The following NKAIN2 variants were observed in gnomAD, a reference collection of about 807,000 sequenced individuals.
The protein encoded by NKAIN2 is sodium/potassium transporting ATPase interacting 2, also known as sodium/potassium-transporting ATPase subunit beta-1-interacting protein 2.
A neutral mutation model predicts 32.6 loss-of-function variants in NKAIN2; 14 were observed. That is an observed-to-expected ratio of 0.43 (90% CI 0.28 to 0.67). NKAIN2 has a LOEUF of 0.67. Among genes scored for constraint, NKAIN2 ranks in the 30% least tolerant of loss-of-function variants. The pLI, the probability that NKAIN2 is intolerant of heterozygous loss-of-function variation, is 0.17. For synonymous variants in NKAIN2, 80 were observed against 87.2 expected, an observed-to-expected ratio of 0.92 and a Z score of 0.46; for missense variants, 198 against 258.3, an observed-to-expected ratio of 0.77 and a Z score of 1.60.
intron 5 of NKAIN2, among the ~76,000 whole-genome samples, chr6:124,816,265 T>C (rs567025428): frequency 9.9e-5 from 15 of 152,174 alleles, no homozygotes; most frequent in African/African-American, 3.6e-4. Flanking sequence ...AGATCAGTGA[T>C]TGCCGGGGGT....
intron 3 of NKAIN2, among the ~76,000 whole-genome samples, chr6:124,386,538 A>G (rs1333775992): frequency 6.6e-6 from 1 of 152,184 alleles, no homozygotes; most frequent in African/African-American, 2.4e-5. Context: ...CCACTTGTTT[A>G]TAATTTCCAT....
intron 1 of NKAIN2, among the ~76,000 whole-genome samples, chr6:123,845,810 A>G (rs1459859341): frequency 6.6e-6 from 1 of 152,242 alleles, no homozygotes; most frequent in African/African-American, 2.4e-5. Flanking sequence ...GAGAAGAGAA[A>G]ACCAAGATCA....
chr6:124,332,527 A>G (rs1449732578), intron 2 of NKAIN2, among the ~76,000 whole-genome samples: 5 of 152,202 alleles, frequency 3.3e-5, no homozygotes, highest in African/African-American at 1.2e-4. Flanking sequence ...ATCAAGTAGC[A>G]TAAGTCTTGC....
intron 1 of NKAIN2, among the ~76,000 whole-genome samples, chr6:124,028,729 G>A (rs1781238576): frequency 6.8e-6 from 1 of 146,802 alleles, no homozygotes; most frequent in Admixed American, 6.8e-5. Flanking sequence ...GTATATACGT[G>A]TATACACGTA....
intron 4 of NKAIN2, among the ~76,000 whole-genome samples, chr6:124,711,774 A>T (rs1442986427): frequency 1.3e-5 from 2 of 152,060 alleles, no homozygotes; most frequent in African/African-American, 4.8e-5. Flanking sequence ...ATGTCCTCCC[A>T]TAGCTCAGAG....
chr6:124,490,681 T>G (rs1263105377), intron 3 of NKAIN2, among the ~76,000 whole-genome samples: 9 of 151,752 alleles, frequency 5.9e-5, no homozygotes, highest in Non-Finnish European at 5.9e-5. Context: ...GGAGTCTACT[T>G]AGTTTGAAAA....
chr6:123,998,571 T>A (rs1299872638), intron 1 of NKAIN2, among the ~76,000 whole-genome samples: 1 of 152,044 alleles, frequency 6.6e-6, no homozygotes, highest in Non-Finnish European at 1.5e-5. Context: ...TTTCGTAAGA[T>A]TAGTATCCAA....
intron 3 of NKAIN2, among the ~76,000 whole-genome samples, chr6:124,387,213 A>T (rs1583169285): frequency 6.6e-6 from 1 of 152,114 alleles, no homozygotes; most frequent in East Asian, 1.9e-4. Context: ...TTGATTTTAC[A>T]ATAGAAAAAT....
chr6:124,085,405 T>C (rs1348584915), intron 1 of NKAIN2, among the ~76,000 whole-genome samples: 1 of 151,764 alleles, frequency 6.6e-6, no homozygotes, highest in Non-Finnish European at 1.5e-5. Context: ...ACTTGCAGAG[T>C]ATCTATGTAT....
rs149719174 is a variant in NKAIN2, at chr6:124,468,412, C to A, written c.273+113065C>A. On this transcript the variant is annotated intron_variant, in intron 3 of 6. Coordinates refer to ENST00000368417, the MANE Select transcript of NKAIN2 (RefSeq NM_001040214.3). The stretch of plus-strand genomic sequence containing the variant: ...TAGCAATCTCTGCTAGTTGGCGAAT[C>A]TTCTAAATCAAGATTTCAAGGCAGA... 4.3e-3 allele frequency among the ~76,000 whole-genome samples: 660 copies of A among 152,188 alleles called. 6 individuals are homozygous for A. The highest frequency in any genetic ancestry group is 0.015 in the African/African-American group (621 of 41,540).
intron 3 of NKAIN2, among the ~76,000 whole-genome samples, chr6:124,631,704 A>G (rs1436943947): frequency 1.3e-5 from 2 of 152,140 alleles, no homozygotes; most frequent in Non-Finnish European, 1.5e-5. Context: ...GGAGTTAACT[A>G]TAAAGGAGTC....
chr6:123,927,069 C>T (rs752819191), intron 1 of NKAIN2, among the ~76,000 whole-genome samples: 2 of 152,108 alleles, frequency 1.3e-5, no homozygotes, highest in East Asian at 3.9e-4. Flanking sequence ...GGGTTATAAG[C>T]TGAGACATCA....
At chr6:124,432,803 C>T (rs1775273987) in intron 3 of NKAIN2, among the ~76,000 whole-genome samples, 1 of 152,074 alleles carries the variant, frequency 6.6e-6, no homozygotes, top group South Asian at 2.1e-4. Context: ...GCTTCACAGT[C>T]ACCTCTCTTA....
At chr6:124,586,562 A>G (rs1232256303) in intron 3 of NKAIN2, among the ~76,000 whole-genome samples, 1 of 152,076 alleles carries the variant, frequency 6.6e-6, no homozygotes, top group Admixed American at 6.6e-5. Flanking sequence ...TTCCCATGTA[A>G]CAAATCTGCA....
chr6:124,184,520 T>C (rs556142461), intron 1 of NKAIN2, among the ~76,000 whole-genome samples: 1 of 152,292 alleles, frequency 6.6e-6, no homozygotes, highest in South Asian at 2.1e-4. Context: ...GGTGAAGATA[T>C]AGCTGGTATC....
chr6:123,918,220 G>T (rs1229746789), intron 1 of NKAIN2, among the ~76,000 whole-genome samples: 1 of 152,080 alleles, frequency 6.6e-6, no homozygotes, highest in Non-Finnish European at 1.5e-5. Context: ...ACAAATAGGG[G>T]TATGTTTTAT....
intron 2 of NKAIN2, among the ~76,000 whole-genome samples, chr6:124,344,338 T>C (rs370540074): frequency 2.0e-5 from 3 of 151,888 alleles, no homozygotes; most frequent in Non-Finnish European, 4.4e-5. Flanking sequence ...TCCATATGAA[T>C]TTTAAAGTAG....
chr6:124,184,489 C>T (rs189533812), intron 1 of NKAIN2, among the ~76,000 whole-genome samples: 5 of 152,212 alleles, frequency 3.3e-5, no homozygotes, highest in East Asian at 1.9e-4. Context: ...CACCACCACC[C>T]GAAGAGTCCC....
At chr6:124,240,266 C>CA (rs924844935) in intron 1 of NKAIN2, among the ~76,000 whole-genome samples, 5 of 151,852 alleles carry the variant, frequency 3.3e-5, no homozygotes, top group African/African-American at 7.2e-5. Context: ...GCCTATTAAC[C>CA]AAAAAAAGCA....
Sources: gnomAD v4.1 joint callset for allele counts (sites outside exome capture counted in the v4.1 genomes callset) on GRCh38, gnomAD v4.1.1 for gene constraint, MANE v1.5 for transcripts, NCBI Gene and HGNC (gene_info 2026-07-23, HGNC 2026-07-21) for gene names.